Variants in KIAA1210 observed in about 807,000 individuals in gnomAD.
KIAA1210 encodes KIAA1210, also known as acrosomal protein KIAA1210.
In KIAA1210, 48 loss-of-function variants were observed where a neutral mutation model predicts 78.9. The ratio of observed to expected loss-of-function variants is 0.61; its 90% CI spans 0.48 to 0.77. KIAA1210 has a LOEUF of 0.77. Among genes scored for constraint, KIAA1210 ranks in the 30% least tolerant of loss-of-function variants. KIAA1210 has a pLI of 0.00. For synonymous variants in KIAA1210, 406 were observed against 404.5 expected, an observed-to-expected ratio of 1.00 and a Z score of -0.04; for missense variants, 1,108 against 1,100.0, an observed-to-expected ratio of 1.01 and a Z score of -0.10.
At position 119,079,217 on chromosome X, in the gene KIAA1210, A is replaced by G. The variant is rs1410476547; in HGVS notation, c.*2112T>C. 1.8e-5 allele frequency: 2 copies of G among 111,921 alleles called. No homozygotes were observed. The highest frequency in any genetic ancestry group is 3.8e-5 in the Non-Finnish European group (2 of 53,187). 9.2% of individuals were successfully genotyped at this position (111,921 alleles called of 1,213,427 possible). ...CTCTGACACCTCACTACCTCTCTGG[A>G]TTTTTTTGCATGGGGCAGCACCCCA... On this transcript the variant is annotated 3_prime_UTR_variant, in exon 12 of 12. Coordinates refer to ENST00000691062, the MANE Select transcript of KIAA1210 (RefSeq NM_001394962.1).
At chrX:119,123,013 T>A (rs1430489659) in intron 2 of KIAA1210, among the ~76,000 whole-genome samples, 1 of 112,591 alleles carries the variant, frequency 8.9e-6, no homozygotes, top group East Asian at 2.8e-4. Flanking sequence ...ATCTTATGAT[T>A]TCCTTTTTAT....
At chrX:119,125,739 T>A (rs868532970) in intron 1 of KIAA1210, among the ~76,000 whole-genome samples, 192 of 6,929 alleles carry the variant, frequency 0.028, 2 homozygotes, top group East Asian at 0.083. Context: ...ATATATATTT[T>A]TTTTTTTTTT....
At chrX:119,085,212 G>A (rs1161580453) in intron 10 of KIAA1210, among the ~76,000 whole-genome samples, 171 bp downstream of exon 10, 1 of 112,053 alleles carries the variant, frequency 8.9e-6, no homozygotes, top group African/African-American at 3.2e-5. Context: ...ATAAAAGCAG[G>A]GCACGTTTGT....
chrX:119,112,264 T>C (rs1406347212), intron 3 of KIAA1210, among the ~76,000 whole-genome samples: 1 of 111,466 alleles, frequency 9.0e-6, no homozygotes, highest in Admixed American at 9.6e-5. Context: ...ACAAATGGAT[T>C]TCATAAAAAT....
chrX:119,138,211 GT>G (rs759946882), intron 2 of KIAA1210, among the ~76,000 whole-genome samples: 283 of 47,830 alleles, frequency 5.9e-3, no homozygotes, highest in African/African-American at 0.02. Flanking sequence ...TGGTTTGGTT[GT>G]TTTTTTTTTT....
intron 2 of KIAA1210, among the ~76,000 whole-genome samples, chrX:119,142,909 C>T (rs777550390): frequency 9.0e-6 from 1 of 110,575 alleles, no homozygotes; most frequent in East Asian, 2.8e-4. Context: ...GCCATTCATG[C>T]GGGATCCATT....
At chrX:119,120,627 A>T (rs1042795177) in intron 2 of KIAA1210, among the ~76,000 whole-genome samples, 2 of 112,610 alleles carry the variant, frequency 1.8e-5, no homozygotes, top group African/African-American at 6.5e-5. Flanking sequence ...ACAGGTGCTG[A>T]AAGTTAAGTA....
intron 5 of KIAA1210, 26 bp downstream of exon 5, chrX:119,108,311 T>A (rs1927951068): frequency 8.4e-7 from 1 of 1,188,074 alleles, no homozygotes; most frequent in South Asian, 1.8e-5. Flanking sequence ...CAGCTGCCCA[T>A]GCGCTGAACA....
In KIAA1210 at chrX:119,116,601, G is replaced by T. The variant is rs1928274734; in HGVS notation, c.125C>A (p.Ala42Asp). 8.3e-7 allele frequency: 1 copy of T among 1,207,992 alleles called. No individual in the cohort carries two copies. The highest frequency in any genetic ancestry group is 3.0e-5 in the East Asian group (1 of 33,810). The change falls in exon 3 of 12, where the codon GCC (alanine) becomes GAC (aspartate). Residue 42 changes from alanine to aspartate, a missense_variant. Ala to Asp is a moderately radical substitution (Grantham distance 126, BLOSUM62 -2). Around this residue, in one of 5 missense-constraint regions of KIAA1210, gnomAD observed 672 missense variants for 607.1 expected, o/e 1.11. Transcript: ENST00000691062. ...CATTTCTTCTTCCTGGGTATCTTCG[G>T]CTTCTTTTTCCTTCTTCTTAACAAA... Reference protein sequence around the residue: ...SFFVKKKEKEAEDTQEEEMLE... With the variant: ...SFFVKKKEKEDEDTQEEEMLE...
At chrX:119,122,061 A>ACT (rs1556002691) in intron 2 of KIAA1210, among the ~76,000 whole-genome samples, 1 of 56,506 alleles carries the variant, frequency 1.8e-5, no homozygotes, top group East Asian at 5.9e-4. Context: ...CGCGCCCGGC[A>ACT]TTTTTTTTTT....
At chrX:119,128,107 C>T (rs1046995634), upstream of KIAA1210, among the ~76,000 whole-genome samples, 2 of 111,148 alleles carry the variant, frequency 1.8e-5, no homozygotes, top group African/African-American at 6.6e-5. Context: ...TTGCAAGCCA[C>T]GTATTTTCAA....
At chrX:119,117,777 G>A (rs549448756) in intron 2 of KIAA1210, among the ~76,000 whole-genome samples, 1 of 109,804 alleles carries the variant, frequency 9.1e-6, no homozygotes, top group Non-Finnish European at 1.9e-5. Context: ...TAGAGACGAC[G>A]CTCTAGAAAC....
intron 2 of KIAA1210, among the ~76,000 whole-genome samples, chrX:119,138,522 A>G (rs1928976021): frequency 9.0e-6 from 1 of 111,565 alleles, no homozygotes; most frequent in Non-Finnish European, 1.9e-5. Context: ...CCAGGCCGAG[A>G]AGGCGGAACT....
At chrX:119,132,671 C>T (rs1928821512), upstream of KIAA1210, among the ~76,000 whole-genome samples, 1 of 111,605 alleles carries the variant, frequency 9.0e-6, no homozygotes, top group Non-Finnish European at 1.9e-5. Flanking sequence ...CACTCTGTTG[C>T]CCAGGCTAGA....
intron 2 of KIAA1210, among the ~76,000 whole-genome samples, chrX:119,120,817 G>A (rs746220643): frequency 8.9e-6 from 1 of 111,868 alleles, no homozygotes; most frequent in Non-Finnish European, 1.9e-5. Context: ...TGGTGGTATA[G>A]CTTTGTTAGC....
In KIAA1210 at chrX:119,089,018, G is replaced by T. The variant is rs1406600818; in HGVS notation, c.1684C>A (p.His562Asn). Residue 562 changes from histidine (H) to asparagine (N), a missense_variant, in exon 9 of 12, where the codon CAC becomes AAC. His to Asn is a moderately conservative substitution (Grantham distance 68). Coordinates refer to ENST00000691062, the MANE Select transcript of KIAA1210 (RefSeq NM_001394962.1). ...AAAACACTTGCTGTAAAGGTCTGGT[G>T]AACATTTCCAGAAGGCTTTTCTTTG... ...ICKEKPSGNV[H>N]QTFTASVLGM... 8.3e-7 allele frequency: 1 copy of T among 1,210,441 alleles called. No individual in the cohort carries two copies. The highest frequency in any genetic ancestry group is 1.7e-5 in the African/African-American group (1 of 57,396).
At chrX:119,141,846 A>T (rs1929056650) in intron 2 of KIAA1210, among the ~76,000 whole-genome samples, 1 of 112,383 alleles carries the variant, frequency 8.9e-6, no homozygotes, top group African/African-American at 3.2e-5. Context: ...GGGTCTGGGG[A>T]CAGAAGTTAG....
intron 8 of KIAA1210, among the ~76,000 whole-genome samples, chrX:119,092,739 T>G (rs369691672): frequency 9.7e-6 from 1 of 103,058 alleles, no homozygotes; most frequent in Non-Finnish European, 2.0e-5. Context: ...CCAGCCTGGG[T>G]GACAGAGTGA....
At chrX:119,142,445 T>C (rs1929068507) in intron 2 of KIAA1210, among the ~76,000 whole-genome samples, 1 of 111,546 alleles carries the variant, frequency 9.0e-6, no homozygotes, top group Non-Finnish European at 1.9e-5. Flanking sequence ...CTTCTAATCA[T>C]GGCAGAAGTG....
Sources: allele counts gnomAD v4.1 joint callset (sites outside exome capture counted in the v4.1 genomes callset), GRCh38; gene constraint gnomAD v4.1.1; regional missense constraint gnomAD v4.1.1; transcripts MANE v1.5; gene names NCBI Gene and HGNC (gene_info 2026-07-23, HGNC 2026-07-21).